The following MGAM2 variants were observed in gnomAD, a reference collection of about 807,000 sequenced individuals.
MGAM2 encodes the protein probable maltase-glucoamylase 2.
A neutral mutation model predicts 96.1 loss-of-function variants in MGAM2; 98 were observed. The ratio of observed to expected loss-of-function variants is 1.02; its 90% confidence interval spans 0.87 to 1.21. MGAM2 has a LOEUF of 1.21. Ranked by LOEUF, MGAM2 falls within the 50% of genes most tolerant of loss-of-function variation. The probability of loss-of-function intolerance (pLI) is 0.00; values close to 1 mark genes in which losing one functional copy is unlikely to be tolerated. For missense variants in MGAM2, 2,055 were observed against 1,182.4 expected (o/e 1.74, Z -10.82); for synonymous variants, 749 against 414.8 (o/e 1.81, Z -9.79).
intron 37 of MGAM2, among the ~76,000 whole-genome samples, chr7:142,194,036 CT>C (rs537760392): frequency 0.32 from 46,336 of 145,068 alleles, 7,714 homozygotes; most frequent in African/African-American, 0.41. Flanking sequence ...CTTTCTTCTT[CT>C]TTTTTTTTTT....
chr7:142,158,343 C>T lies in MGAM2; in HGVS notation c.2163+11C>T. ...CCTGTTTTATATGAAGTATGTTTAT[C>T]ATCTAAACAATGAAAGGGGGTATTG... On this transcript the variant is annotated intron_variant, in intron 19 of 47. Coordinates refer to ENST00000477922, the MANE Select transcript of MGAM2 (RefSeq NM_001293626.2). 2.8e-6 allele frequency: 2 copies of T among 702,884 alleles called. No homozygotes were observed. Among genetic ancestry groups the T allele is most frequent in the Non-Finnish European group, 5.2e-6 (2 of 384,956 alleles). 43.5% of individuals were successfully genotyped at this position (702,884 alleles called of 1,614,324 possible). A position where few individuals can be genotyped will look rare whatever the true frequency, so the allele number is the denominator to read the frequency against.
At chr7:142,188,109 A>AC (rs1796757507) in intron 36 of MGAM2, among the ~76,000 whole-genome samples, 4 of 143,564 alleles carry the variant, frequency 2.8e-5, no homozygotes, top group African/African-American at 1.0e-4. Flanking sequence ...TAAACCCTTA[A>AC]ACACACACAC....
chr7:142,139,803 G>A (rs1388521537), intron 10 of MGAM2, among the ~76,000 whole-genome samples: 2 of 150,626 alleles, frequency 1.3e-5, no homozygotes, highest in Non-Finnish European at 3.0e-5. Context: ...AATTTTTCCT[G>A]TAAAAAAAAA....
intron 21 of MGAM2, among the ~76,000 whole-genome samples, 197 bp from the exon 22 acceptor site, chr7:142,160,928 C>G (rs1225482776): frequency 6.6e-6 from 1 of 152,094 alleles, no homozygotes; most frequent in Non-Finnish European, 1.5e-5. Flanking sequence ...CTCTGTCCAC[C>G]CTTCCCTTTA....
Position 142,197,540 on chromosome 7 carries a change from T to G in MGAM2, c.4773T>G (p.Leu1591=), listed in dbSNP as rs1254961340. 5 of 703,034 alleles carry G rather than the reference T, an allele frequency of 7.1e-6. No individual in the cohort carries two copies. The Admixed American group carries it at 1.0e-4, about 14-fold the overall frequency. The allele number at this position is 703,034 out of a possible 1,614,324, so 43.5% of individuals were successfully genotyped here. Reference sequence around the variant, plus strand: ...AGGGCAGCACAGTTGTCCGGCCCCTTCTCCATGAGTGAGTACAGCCTCTTT... The same window carrying G: ...AGGGCAGCACAGTTGTCCGGCCCCTGCTCCATGAGTGAGTACAGCCTCTTT... ...HVEGSTVVRP[L]LHEFTDDRTT... The change falls in exon 41 of 48, where the codon CTT becomes CTG. Residue 1591 remains leucine, a synonymous_variant. Coordinates refer to ENST00000477922, the MANE Select transcript of MGAM2 (RefSeq NM_001293626.2).
intron 26 of MGAM2, among the ~76,000 whole-genome samples, chr7:142,168,626 G>T (rs1034144669): frequency 3.9e-5 from 6 of 151,936 alleles, no homozygotes; most frequent in African/African-American, 1.5e-4. Flanking sequence ...CAGGTCAAGA[G>T]ACCAAACTTT....
intron 37 of MGAM2, among the ~76,000 whole-genome samples, chr7:142,190,692 G>A (rs1796841892): frequency 6.6e-6 from 1 of 152,038 alleles, no homozygotes; most frequent in Non-Finnish European, 1.5e-5. Flanking sequence ...TCTAATGGGG[G>A]TAAAGTGATA....
intron 46 of MGAM2, among the ~76,000 whole-genome samples, chr7:142,216,411 AT>A (rs1797762342): frequency 6.6e-6 from 1 of 152,098 alleles, no homozygotes; most frequent in African/African-American, 2.4e-5. Flanking sequence ...TCAAAATTCC[AT>A]TTTTCTGATA....
At chr7:142,161,049 G>C in intron 21 of MGAM2, 76 bp from the exon 22 acceptor site, 1 of 681,324 alleles carries the variant, frequency 1.5e-6, no homozygotes, top group Admixed American at 2.0e-5. Context: ...ATCTGTCCCT[G>C]GGGGATGAAG....
At chr7:142,188,960 T>C (rs1417248414) in intron 36 of MGAM2, among the ~76,000 whole-genome samples, 3 of 152,224 alleles carry the variant, frequency 2.0e-5, no homozygotes, top group African/African-American at 4.8e-5. Context: ...TCTGTACTTA[T>C]GTATCAAGCA....
At chr7:142,202,436 A>G (rs537490229) in intron 45 of MGAM2, among the ~76,000 whole-genome samples, 1 of 152,264 alleles carries the variant, frequency 6.6e-6, no homozygotes, top group African/African-American at 2.4e-5. Context: ...CATAGTAACT[A>G]ATGGGTAGTT....
Position 142,199,955 on chromosome 7 carries a change from T to C in MGAM2, c.5124T>C (p.Asp1708=), listed in dbSNP as rs1416899098. Reference sequence around the variant, plus strand: ...CTGAAGGCCAGGTGTTCTGGGATGATGGACAAAGCATTGGTGAGTATAAAC... The same window carrying C: ...CTGAAGGCCAGGTGTTCTGGGATGACGGACAAAGCATTGGTGAGTATAAAC... ...GTAEGQVFWD[D]GQSIDTYENG... The change falls in exon 45 of 48, where the codon GAT becomes GAC. Residue 1708 remains aspartate, a synonymous_variant. Coordinates refer to ENST00000477922, the MANE Select transcript of MGAM2 (RefSeq NM_001293626.2). The C allele has an allele frequency of 1.4e-6, 1 of 691,514 alleles. No homozygotes were observed. The highest frequency in any genetic ancestry group is 2.6e-6 in the Non-Finnish European group (1 of 378,892). 42.8% of individuals were successfully genotyped at this position (691,514 alleles called of 1,614,324 possible).
In MGAM2 at chr7:142,164,688, A is replaced by G. The variant is rs138780924; in HGVS notation, c.2485-168A>G. On this transcript the variant is annotated intron_variant, in intron 23 of 47. Coordinates refer to ENST00000477922, the MANE Select transcript of MGAM2 (RefSeq NM_001293626.2). Reference sequence around the variant, plus strand: ...TATTACTTAAAAATTTAAGATTGATAAGAGTCTGAGTGAACGAGTTCCCTA... The same window carrying G: ...TATTACTTAAAAATTTAAGATTGATGAGAGTCTGAGTGAACGAGTTCCCTA... Among the ~76,000 whole-genome samples the G allele has an allele frequency of 1.4e-3, 212 of 152,286 alleles. 1 individual carries two copies. Among genetic ancestry groups the G allele is most frequent in the African/African-American group, 5.0e-3 (208 of 41,570 alleles).
chr7:142,171,107 G>A, intron 27 of MGAM2, 165 bp from the exon 28 acceptor site: 1 of 664,280 alleles, frequency 1.5e-6, no homozygotes, highest in Non-Finnish European at 2.8e-6. Flanking sequence ...CTTTGGTCCT[G>A]AGTCAGGGCC....
chr7:142,200,716 T>G (rs969507983), intron 45 of MGAM2, among the ~76,000 whole-genome samples: 3 of 152,172 alleles, frequency 2.0e-5, no homozygotes, highest in Admixed American at 1.3e-4. Flanking sequence ...AGAGATTCCT[T>G]CTTTTTTAGG....
chr7:142,220,640 T>C lies in MGAM2; in HGVS notation c.6129T>C (p.Ala2043=). 2 of 702,302 alleles carry C rather than the reference T, an allele frequency of 2.8e-6. No individual in the cohort carries two copies. Among genetic ancestry groups the C allele is most frequent in the Non-Finnish European group, 5.2e-6 (2 of 384,844 alleles). 43.5% of individuals were successfully genotyped at this position (702,302 alleles called of 1,614,324 possible). The part of the protein sequence containing the change: ...TTGTTVPDTT[A]PFPTSTTSTS... ...GTACTACTGTTCCTGATACAACTGC[T>C]CCTTTCCCTACAAGTACTACTAGTA... is the stretch of plus-strand genomic sequence containing the variant. The change falls in exon 48 of 48, where the codon GCT becomes GCC. Residue 2043 remains alanine, a synonymous_variant. Coordinates refer to ENST00000477922, the MANE Select transcript of MGAM2 (RefSeq NM_001293626.2).
intron 37 of MGAM2, among the ~76,000 whole-genome samples, chr7:142,194,222 G>C (rs1050567434): frequency 6.6e-6 from 1 of 152,102 alleles, no homozygotes; most frequent in African/African-American, 2.4e-5. Context: ...ATTAAAGACA[G>C]GGTTTTGCCA....
At chr7:142,185,868 A>G in intron 34 of MGAM2, 121 bp from the exon 35 acceptor site, 1 of 553,000 alleles carries the variant, frequency 1.8e-6, no homozygotes, top group South Asian at 2.7e-5. Flanking sequence ...CTGCAACAGC[A>G]GCAGATCTGA....
At chr7:142,182,402 C>A (rs552189581) in intron 32 of MGAM2, among the ~76,000 whole-genome samples, 2 of 152,130 alleles carry the variant, frequency 1.3e-5, no homozygotes, top group Admixed American at 6.5e-5. Context: ...ATCAGATGCA[C>A]CCTTGTTCTG....
Sources: allele counts gnomAD v4.1 joint callset (sites outside exome capture counted in the v4.1 genomes callset), GRCh38; gene constraint gnomAD v4.1.1; transcripts MANE v1.5; gene names NCBI Gene and HGNC (gene_info 2026-07-23, HGNC 2026-07-21).